VANGL1: variants seen among roughly 807,000 people sequenced by gnomAD.
VANGL1 encodes VANGL planar cell polarity protein 1.
Under a neutral mutation model 48.4 loss-of-function variants are expected in VANGL1, and 18 were observed. That is an observed-to-expected ratio of 0.37 (90% CI 0.26 to 0.55). The LOEUF (loss-of-function observed/expected upper bound fraction) is 0.55. Among genes scored for constraint, VANGL1 ranks in the 20% least tolerant of loss-of-function variants. The pLI, the probability that VANGL1 is intolerant of heterozygous loss-of-function variation, is 0.81. For missense variants in VANGL1, 667 were observed against 675.8 expected, an observed-to-expected ratio of 0.99 and a Z score of 0.14; for synonymous variants, 257 against 261.8, an observed-to-expected ratio of 0.98 and a Z score of 0.18.
Position 115,692,189 on chromosome 1 carries a change from TGG to T in VANGL1, c.*813_*814del, listed in dbSNP as rs1653866734. On this transcript the variant is annotated 3_prime_UTR_variant, in exon 8 of 8. Transcript: ENST00000355485. ...CCAGCATTGTTTCCATAGGGAAGTG[TGG>T]GGTGCCCAGCAGGTAAAGCACAGGG... 6.6e-6 allele frequency: 1 copy of T among 152,520 alleles called. No homozygotes were observed. The highest frequency in any genetic ancestry group is 1.9e-4 in the East Asian group (1 of 5,184). 9.4% of individuals were successfully genotyped at this position (152,520 alleles called of 1,614,324 possible).
chr1:115,651,506 A>T (rs756052429), intron 2 of VANGL1, 22 bp downstream of exon 2: 23 of 1,609,662 alleles, frequency 1.4e-5, no homozygotes, highest in Non-Finnish European at 1.7e-5. Context: ...GTTCATTATT[A>T]CACTTTTCCT....
At chr1:115,652,382 G>A (rs1481906428) in intron 2 of VANGL1, among the ~76,000 whole-genome samples, 6 of 152,198 alleles carry the variant, frequency 3.9e-5, no homozygotes, top group Admixed American at 3.9e-4. Context: ...GAACAGATAG[G>A]TGGCACTGTA....
At chr1:115,659,541 A>T (rs1056149777) in intron 2 of VANGL1, 100 bp from the exon 3 acceptor site, 13 of 1,247,500 alleles carry the variant, frequency 1.0e-5, no homozygotes, top group Non-Finnish European at 1.5e-5. Flanking sequence ...GTGTGTGTGT[A>T]TGTAGAATTT....
Position 115,691,141 on chromosome 1 carries a change from G to T in VANGL1, c.1337G>T (p.Ser446Ile). 1.2e-6 allele frequency: 2 copies of T among 1,614,160 alleles called. No homozygotes were observed. Among genetic ancestry groups the T allele is most frequent in the Non-Finnish European group, 1.7e-6 (2 of 1,180,032 alleles). The change falls in exon 8 of 8, where the codon AGT (serine) becomes ATT (isoleucine). Residue 446 changes from serine (S) to isoleucine (I), a missense_variant. By Grantham distance (142) the Ser-to-Ile change is moderately radical (BLOSUM62 -2). Coordinates refer to ENST00000355485, the MANE Select transcript of VANGL1 (RefSeq NM_138959.3). Reference protein sequence around the residue: ...TPKAFLERYLSAGPTLQYDKD... With the variant: ...TPKAFLERYLIAGPTLQYDKD... Reference sequence around the variant, plus strand: ...CAGGCCTTCCTAGAACGGTACCTCAGTGCGGGCCCCACCCTGCAATATGAC... The same window carrying T: ...CAGGCCTTCCTAGAACGGTACCTCATTGCGGGCCCCACCCTGCAATATGAC...
chr1:115,693,442 A>AG lies in VANGL1; in HGVS notation c.*2064dup, dbSNP rs1653922595. On this transcript the variant is annotated 3_prime_UTR_variant, in exon 8 of 8. Coordinates refer to ENST00000355485, the MANE Select transcript of VANGL1 (RefSeq NM_138959.3). ...TCTTCCAACCCTATCTTCAATGACC[A>AG]GTCCAGAAGGGGTTAAGCTGGATTC... The AG allele has an allele frequency of 6.6e-6, 1 of 152,664 alleles. No individual in the cohort carries two copies. The highest frequency in any genetic ancestry group is 2.1e-4 in the South Asian group (1 of 4,828). 9.5% of individuals were successfully genotyped at this position (152,664 alleles called of 1,614,324 possible). A position where few individuals can be genotyped will look rare whatever the true frequency, so the allele number is the denominator to read the frequency against.
intron 7 of VANGL1, among the ~76,000 whole-genome samples, chr1:115,689,676 G>T (rs752232665): frequency 7.5e-6 from 1 of 133,828 alleles, no homozygotes; most frequent in Non-Finnish European, 1.6e-5. Flanking sequence ...ACTGTTCTTC[G>T]CCAGGTGCAG....
intron 2 of VANGL1, among the ~76,000 whole-genome samples, chr1:115,652,701 AAGC>A (rs796174236): frequency 2.6e-4 from 39 of 152,294 alleles, no homozygotes; most frequent in African/African-American, 9.4e-4. Flanking sequence ...TTCCCCATAC[AAGC>A]AGCCGAATGC....
chr1:115,657,052 A>C (rs890943905), intron 2 of VANGL1, among the ~76,000 whole-genome samples: 1 of 152,192 alleles, frequency 6.6e-6, no homozygotes, highest in Non-Finnish European at 1.5e-5. Flanking sequence ...GTTCTAGACT[A>C]TTCTGAGGTT....
rs183964198 is a variant in VANGL1 at position 115,688,118 on chromosome 1, A to G, written c.1314+2591A>G. On this transcript the variant is annotated intron_variant, in intron 7 of 7. Coordinates refer to ENST00000355485, the MANE Select transcript of VANGL1 (RefSeq NM_138959.3). ...TATACAATGTATATTATCTTTCTCT[A>G]TATATATGTAGAGAGATATAGATAT... Among the ~76,000 whole-genome samples the G allele has an allele frequency of 4.0e-3, 555 of 138,086 alleles. 110 individuals are homozygous for G. Among genetic ancestry groups the G allele is most frequent in the Admixed American group, 7.8e-3 (104 of 13,368 alleles). The allele number at this position is 138,086 out of a possible 152,430, so 90.6% of individuals were successfully genotyped here. A position where few individuals can be genotyped will look rare whatever the true frequency, so the allele number is the denominator to read the frequency against.
At chr1:115,647,101 C>A (rs559776508) in intron 1 of VANGL1, among the ~76,000 whole-genome samples, 1 of 152,316 alleles carries the variant, frequency 6.6e-6, no homozygotes, top group South Asian at 2.1e-4. Flanking sequence ...TGGGACACCA[C>A]GGAAAGGTTT....
At chr1:115,683,915 A>G in intron 5 of VANGL1, 29 bp from the exon 6 acceptor site, 2 of 1,611,482 alleles carry the variant, frequency 1.2e-6, no homozygotes, top group Non-Finnish European at 1.7e-6. Context: ...TGGTATTAAC[A>G]CTATTCTTTC....
intron 4 of VANGL1, among the ~76,000 whole-genome samples, chr1:115,673,060 G>T (rs1570759735): frequency 6.6e-6 from 1 of 152,198 alleles, no homozygotes; most frequent in East Asian, 1.9e-4. Context: ...TTGTATTGGG[G>T]ATTCTGCATT....
rs1047229092 is a variant in VANGL1 at position 115,663,811 on chromosome 1, C to A, written c.355C>A (p.Leu119Ile). The A allele has an allele frequency of 6.2e-7, 1 of 1,614,230 alleles. No homozygotes were observed. ...RYLGLTVASF[L>I]GLLVFLTPIA... ...CCTGGGCCTCACCGTCGCCTCTTTT[C>A]TTGGACTTCTAGTTTTCCTCACCCC... is the stretch of plus-strand genomic sequence containing the variant. The change falls in exon 4 of 8, where the codon CTT becomes ATT. Residue 119 changes from leucine to isoleucine, a missense_variant. By Grantham distance (5) the Leu-to-Ile change is conservative. Transcript: ENST00000355485.
At chr1:115,683,043 T>G (rs775411672) in intron 5 of VANGL1, among the ~76,000 whole-genome samples, 2 of 152,158 alleles carry the variant, frequency 1.3e-5, no homozygotes, top group Non-Finnish European at 2.9e-5. Context: ...CTGGGTATGT[T>G]GGGTGAGGGC....
chr1:115,673,008 A>G (rs773749425), intron 4 of VANGL1, among the ~76,000 whole-genome samples: 6 of 152,202 alleles, frequency 3.9e-5, no homozygotes, highest in African/African-American at 1.4e-4. Flanking sequence ...AGCATCAGCT[A>G]TTGCACCCTA....
In VANGL1 at chr1:115,692,110, A is replaced by C. The variant is rs1174184929; in HGVS notation, c.*731A>C. 6.5e-6 allele frequency: 1 copy of C among 153,436 alleles called. No individual in the cohort carries two copies. The highest frequency in any genetic ancestry group is 2.4e-5 in the African/African-American group (1 of 41,472). 9.5% of individuals were successfully genotyped at this position (153,436 alleles called of 1,614,324 possible). ...GCCATCCTGCCCCCACCTGGCTGGC[A>C]GCCCTGGCTCTCCATGTGTGCCCTC... On this transcript the variant is annotated 3_prime_UTR_variant, in exon 8 of 8. Transcript: ENST00000355485.
At chr1:115,653,143 TTTAA>T (rs1472298311) in intron 2 of VANGL1, among the ~76,000 whole-genome samples, 12 of 152,222 alleles carry the variant, frequency 7.9e-5, no homozygotes, top group African/African-American at 2.9e-4. Context: ...TCTTTTTAAC[TTTAA>T]TTGTTTTCTA....
rs1290656350 is a variant in VANGL1 at position 115,693,454 on chromosome 1, G to T, written c.*2075G>T. ...ATCTTCAATGACCAGTCCAGAAGGG[G>T]TTAAGCTGGATTCATTTGCTCTGGC... On this transcript the variant is annotated 3_prime_UTR_variant, in exon 8 of 8. Coordinates refer to ENST00000355485, the MANE Select transcript of VANGL1 (RefSeq NM_138959.3). The T allele has an allele frequency of 1.3e-5, 2 of 152,614 alleles. No individual in the cohort carries two copies. Among genetic ancestry groups the T allele is most frequent in the Non-Finnish European group, 2.9e-5 (2 of 68,030 alleles). 9.5% of individuals were successfully genotyped at this position (152,614 alleles called of 1,614,324 possible).
At chr1:115,681,503 G>GT (rs368388367) in intron 4 of VANGL1, among the ~76,000 whole-genome samples, 9,168 of 114,646 alleles carry the variant, frequency 0.08, 634 homozygotes, top group African/African-American at 0.13. Flanking sequence ...TTTTTTTGTT[G>GT]TTTTTTTTGT....
Sources: gnomAD v4.1 joint callset for allele counts (sites outside exome capture counted in the v4.1 genomes callset) on GRCh38, gnomAD v4.1.1 for gene constraint, MANE v1.5 for transcripts, NCBI Gene and HGNC (gene_info 2026-07-23, HGNC 2026-07-21) for gene names.